The following DKK2 variants were observed in gnomAD, a reference collection of about 807,000 sequenced individuals.
DKK2 encodes the protein dickkopf Wnt signaling pathway inhibitor 2.
DKK2 carries 11 observed loss-of-function variants against 28.1 expected under a neutral mutation model. The ratio of observed to expected loss-of-function variants is 0.39; its 90% CI spans 0.25 to 0.65. The LOEUF is 0.65. Among genes scored for constraint, DKK2 ranks in the 30% least tolerant of loss-of-function variants. The pLI is 0.47. For missense variants in DKK2, 326 were observed against 335.5 expected (o/e 0.97, Z 0.22); for synonymous variants, 135 against 126.5 (o/e 1.07, Z -0.45).
At chr4:107,004,690 C>CA in intron 1 of DKK2, among the ~76,000 whole-genome samples, 1 of 152,074 alleles carries the variant, frequency 6.6e-6, no homozygotes, top group Non-Finnish European at 1.5e-5. Context: ...CCTTACGTGG[C>CA]AAAAAGAACT....
intron 1 of DKK2, among the ~76,000 whole-genome samples, chr4:107,029,333 T>C (rs965752297): frequency 1.3e-5 from 2 of 152,192 alleles, no homozygotes; most frequent in Admixed American, 6.5e-5. Flanking sequence ...TTTCTCCATT[T>C]ACAGTGGTGT....
intron 1 of DKK2, among the ~76,000 whole-genome samples, chr4:106,978,398 C>T (rs1041017673): frequency 1.3e-5 from 2 of 152,178 alleles, no homozygotes; most frequent in Non-Finnish European, 2.9e-5. Context: ...TCTATAAGCC[C>T]CTGACAGTGG....
chr4:106,987,842 TA>T (rs1723144365), intron 1 of DKK2, among the ~76,000 whole-genome samples: 1 of 151,714 alleles, frequency 6.6e-6, no homozygotes, highest in Admixed American at 6.6e-5. Context: ...TGAAAAACCC[TA>T]ACTGACATGA....
chr4:107,010,516 G>A (rs1346407633), intron 1 of DKK2, among the ~76,000 whole-genome samples: 1 of 151,528 alleles, frequency 6.6e-6, no homozygotes, highest in Non-Finnish European at 1.5e-5. Flanking sequence ...AATACTTGTT[G>A]CATAAAAGAT....
chr4:106,978,519 C>T (rs868826669), intron 1 of DKK2, among the ~76,000 whole-genome samples: 4 of 152,120 alleles, frequency 2.6e-5, no homozygotes, highest in African/African-American at 4.8e-5. Flanking sequence ...TTCAAACTTC[C>T]TGGAGGCTTT....
In DKK2 at chr4:106,969,923, T is replaced by A. The variant is rs184846701; in HGVS notation, c.223-43974A>T. 9.3e-4 allele frequency among the ~76,000 whole-genome samples: 142 copies of A among 152,180 alleles called. 1 individual carries two copies. The highest frequency in any genetic ancestry group is 2.1e-4 in the Non-Finnish European group (14 of 67,996). On this transcript the variant is annotated intron_variant, in intron 1 of 3. Coordinates refer to ENST00000285311, the MANE Select transcript of DKK2 (RefSeq NM_014421.3). The stretch of plus-strand genomic sequence containing the variant: ...CATAAGACCTGGAGAACTACAGACC[T>A]GGCTGGGAAGTAAAAGAGGGACTCT...
chr4:106,930,246 A>G (rs1342139527), intron 1 of DKK2, among the ~76,000 whole-genome samples: 1 of 152,226 alleles, frequency 6.6e-6, no homozygotes, highest in Non-Finnish European at 1.5e-5. Flanking sequence ...AATGAACAAA[A>G]GTAAAATAAA....
At chr4:106,937,485 C>A (rs1399005142) in intron 1 of DKK2, among the ~76,000 whole-genome samples, 14 of 139,000 alleles carry the variant, frequency 1.0e-4, no homozygotes, top group African/African-American at 3.0e-4. Context: ...GAGTGACCTA[C>A]AAAGAGACTT....
chr4:106,978,110 A>G (rs1373469862), intron 1 of DKK2, among the ~76,000 whole-genome samples: 1 of 152,108 alleles, frequency 6.6e-6, no homozygotes, highest in Non-Finnish European at 1.5e-5. Flanking sequence ...CTTCCTTTGG[A>G]AGCTTCATTC....
At chr4:106,993,409 A>G (rs1251763618) in intron 1 of DKK2, among the ~76,000 whole-genome samples, 1 of 152,246 alleles carries the variant, frequency 6.6e-6, no homozygotes, top group Non-Finnish European at 1.5e-5. Flanking sequence ...TATTTAAACC[A>G]TAAAATATCA....
intron 1 of DKK2, among the ~76,000 whole-genome samples, chr4:107,016,708 C>A (rs916486262): frequency 6.6e-6 from 1 of 151,704 alleles, no homozygotes; most frequent in Non-Finnish European, 1.5e-5. Flanking sequence ...CCTTAATGGT[C>A]TGAATATGAG....
intron 1 of DKK2, among the ~76,000 whole-genome samples, chr4:106,953,005 A>C (rs1722504805): frequency 6.6e-6 from 1 of 152,194 alleles, no homozygotes; most frequent in African/African-American, 2.4e-5. Context: ...TTTAGGGACA[A>C]CATTCTCTTT....
In DKK2 at chr4:106,978,765, C is replaced by A. The variant is rs181152707; in HGVS notation, c.223-52816G>T. Among the ~76,000 whole-genome samples the A allele has an allele frequency of 5.6e-4, 85 of 151,630 alleles. 1 individual carries two copies. Among genetic ancestry groups the A allele is most frequent in the Non-Finnish European group, 1.0e-3 (71 of 67,952 alleles). On this transcript the variant is annotated intron_variant, in intron 1 of 3. Coordinates refer to ENST00000285311, the MANE Select transcript of DKK2 (RefSeq NM_014421.3). ...GGAGTGAATGGTTTTGTCTTGCTGG[C>A]GTTCCGGGTGCCACTGGGGTATGAT...
chr4:107,022,275 T>C (rs1723708862), intron 1 of DKK2, among the ~76,000 whole-genome samples: 1 of 152,150 alleles, frequency 6.6e-6, no homozygotes, highest in Admixed American at 6.6e-5. Flanking sequence ...TACCTTGTCC[T>C]AAATGTTTGT....
intron 1 of DKK2, among the ~76,000 whole-genome samples, chr4:107,015,573 A>G (rs773748282): frequency 6.6e-6 from 1 of 151,736 alleles, no homozygotes; most frequent in Non-Finnish European, 1.5e-5. Context: ...TTACCTTTAA[A>G]ACACTAATTC....
In DKK2 at chr4:106,928,077, C is replaced by CA. The variant is rs1418828577; in HGVS notation, c.223-2129dup. Among the ~76,000 whole-genome samples, 9 of 152,000 alleles carry CA rather than the reference C, an allele frequency of 5.9e-5. 1 individual carries two copies. In the East Asian group the frequency reaches 9.7e-4, roughly 16 times the overall value. ...GTTTGGTAAAAGTAGCAGTGTCTGCCAAAAAATTGTGAATGGCGCATCACC... is the reference window on the plus strand; with the variant it reads ...GTTTGGTAAAAGTAGCAGTGTCTGCCAAAAAAATTGTGAATGGCGCATCACC... On this transcript the variant is annotated intron_variant, in intron 1 of 3. Transcript: ENST00000285311.
At chr4:107,014,003 G>T (rs1723554877) in intron 1 of DKK2, among the ~76,000 whole-genome samples, 1 of 151,536 alleles carries the variant, frequency 6.6e-6, no homozygotes, top group African/African-American at 2.4e-5. Context: ...TACCGGCAAG[G>T]ATGTGGAGAA....
At chr4:107,033,881 C>A (rs892962444) in intron 1 of DKK2, among the ~76,000 whole-genome samples, 1 of 152,130 alleles carries the variant, frequency 6.6e-6, no homozygotes, top group South Asian at 2.1e-4. Context: ...AGAGAAAAAG[C>A]GAAGGAAAGT....
chr4:107,001,817 A>G (rs1723363681), intron 1 of DKK2, among the ~76,000 whole-genome samples: 1 of 152,236 alleles, frequency 6.6e-6, no homozygotes, highest in Non-Finnish European at 1.5e-5. Context: ...TTCCATAAGG[A>G]AAGGGTGCAT....
Sources: gnomAD v4.1 joint callset for allele counts (sites outside exome capture counted in the v4.1 genomes callset) on GRCh38, gnomAD v4.1.1 for gene constraint, MANE v1.5 for transcripts, NCBI Gene and HGNC (gene_info 2026-07-23, HGNC 2026-07-21) for gene names.